RNF170: variants seen among roughly 807,000 people sequenced by gnomAD.
RNF170 encodes E3 ubiquitin-protein ligase RNF170.
In RNF170, 12 loss-of-function variants were observed where a neutral mutation model predicts 32.7. The observed-to-expected ratio is 0.37, with a 90% confidence interval of 0.24 to 0.60. The LOEUF is 0.60. Ranked by LOEUF, RNF170 falls within the 20% of genes least tolerant of loss-of-function variation. The pLI is 0.72. For missense variants in RNF170, 212 were observed against 311.2 expected (o/e 0.68, Z 2.40); for synonymous variants, 91 against 103.6 (o/e 0.88, Z 0.74).
intron 3 of RNF170, among the ~76,000 whole-genome samples, chr8:42,872,882 A>G (rs1804629267): frequency 6.6e-6 from 1 of 152,140 alleles, no homozygotes; most frequent in Non-Finnish European, 1.5e-5. Flanking sequence ...GTGAATGGAT[A>G]AATTATAAAA....
chr8:42,890,460 G>A (rs1806209208), intron 1 of RNF170, among the ~76,000 whole-genome samples: 1 of 151,722 alleles, frequency 6.6e-6, no homozygotes, highest in Non-Finnish European at 1.5e-5. Context: ...TCTGTTTTTA[G>A]TAGAGATGGG....
At chr8:42,895,907 TG>T (rs994145630) in intron 1 of RNF170, among the ~76,000 whole-genome samples, 1 of 152,166 alleles carries the variant, frequency 6.6e-6, no homozygotes, top group African/African-American at 2.4e-5. Flanking sequence ...GAGAAACTCC[TG>T]GGGTGCCGGT....
chr8:42,887,713 G>C lies in RNF170; in HGVS notation c.137+15C>G, dbSNP rs767815679. On this transcript the variant is annotated intron_variant, in intron 2 of 6. Coordinates refer to ENST00000527424, the MANE Select transcript of RNF170 (RefSeq NM_030954.4). ...CCTTGCAAATCTACTCAATTCTTTTGTCCTTAAATCTCACCTGAAAAGTGC... is the reference window on the plus strand; with the variant it reads ...CCTTGCAAATCTACTCAATTCTTTTCTCCTTAAATCTCACCTGAAAAGTGC... 5.3e-5 allele frequency: 86 copies of C among 1,613,452 alleles called. No individual in the cohort carries two copies. In the South Asian group the frequency reaches 8.9e-4, roughly 17 times the overall value.
At chr8:42,866,560 C>T (rs188863704) in intron 4 of RNF170, among the ~76,000 whole-genome samples, 18 of 150,718 alleles carry the variant, frequency 1.2e-4, no homozygotes, top group African/African-American at 4.4e-4. Context: ...CTATAGCCGG[C>T]TGACAGTGCG....
chr8:42,856,598 C>T (rs1180626102), intron 6 of RNF170, among the ~76,000 whole-genome samples, 170 bp from the exon 7 acceptor site: 1 of 152,190 alleles, frequency 6.6e-6, no homozygotes, highest in Non-Finnish European at 1.5e-5. Flanking sequence ...TCTTTGAATA[C>T]TAGTTCTTAC....
At chr8:42,873,609 A>C (rs966371212) in intron 3 of RNF170, among the ~76,000 whole-genome samples, 6 of 152,192 alleles carry the variant, frequency 3.9e-5, no homozygotes, top group African/African-American at 1.2e-4. Context: ...GATATTAAGG[A>C]GTATATGTCA....
At chr8:42,891,548 G>A (rs1348300832) in intron 1 of RNF170, among the ~76,000 whole-genome samples, 1 of 152,062 alleles carries the variant, frequency 6.6e-6, no homozygotes, top group Non-Finnish European at 1.5e-5. Context: ...CATTATAACT[G>A]TACATTAAGC....
At chr8:42,896,062 C>G (rs980651252) in intron 1 of RNF170, 2 of 205,680 alleles carry the variant, frequency 9.7e-6, no homozygotes, top group African/African-American at 4.8e-5. Flanking sequence ...GAGGTGGAAG[C>G]TCCAGAACGA....
At chr8:42,879,486 A>C (rs1384920212) in intron 2 of RNF170, among the ~76,000 whole-genome samples, 1 of 151,978 alleles carries the variant, frequency 6.6e-6, no homozygotes, top group Non-Finnish European at 1.5e-5. Flanking sequence ...CCCTGTCTCT[A>C]CTAAAAATAC....
At chr8:42,871,336 A>C (rs1294995459) in intron 3 of RNF170, among the ~76,000 whole-genome samples, 1 of 152,164 alleles carries the variant, frequency 6.6e-6, no homozygotes, top group Non-Finnish European at 1.5e-5. Flanking sequence ...TTACAGAAAA[A>C]AGTATTAAGT....
intron 2 of RNF170, among the ~76,000 whole-genome samples, chr8:42,886,232 A>AAATAAT (rs917924700): frequency 2.0e-5 from 3 of 151,628 alleles, no homozygotes; most frequent in African/African-American, 4.8e-5. Context: ...TCAAAAAAAA[A>AAATAAT]AATAATAATA....
At chr8:42,889,003 C>G (rs920811429) in intron 1 of RNF170, among the ~76,000 whole-genome samples, 4 of 152,008 alleles carry the variant, frequency 2.6e-5, no homozygotes, top group Non-Finnish European at 5.9e-5. Flanking sequence ...CACAATAGGA[C>G]CTAATAGATA....
intron 2 of RNF170, among the ~76,000 whole-genome samples, chr8:42,875,460 A>G (rs534594458): frequency 1.3e-5 from 2 of 152,372 alleles, no homozygotes; most frequent in South Asian, 4.1e-4. Flanking sequence ...GCAAAAAAAC[A>G]CAAATTTTAG....
intron 1 of RNF170, among the ~76,000 whole-genome samples, chr8:42,892,242 G>GGTGC (rs895774419): frequency 6.6e-6 from 1 of 152,134 alleles, no homozygotes; most frequent in African/African-American, 2.4e-5. Flanking sequence ...GGAGTGCAGT[G>GGTGC]GTGCACCCTT....
At chr8:42,897,112 G>T, upstream of RNF170, 1 of 1,242,404 alleles carries the variant, frequency 8.0e-7, no homozygotes, top group Non-Finnish European at 1.0e-6. Flanking sequence ...GGTAGGCGCT[G>T]CCTGGCCGCG....
At chr8:42,877,924 T>C (rs576938721) in intron 2 of RNF170, among the ~76,000 whole-genome samples, 1 of 152,346 alleles carries the variant, frequency 6.6e-6, no homozygotes, top group South Asian at 2.1e-4. Context: ...TAGCAGATAT[T>C]GCGTTTTTTA....
chr8:42,875,035 G>A (rs186877489), intron 2 of RNF170, among the ~76,000 whole-genome samples: 90 of 152,242 alleles, frequency 5.9e-4, no homozygotes, highest in African/African-American at 1.9e-3. Flanking sequence ...GCCGGGCTTA[G>A]TGGCGAATGC....
chr8:42,896,677 G>A (rs1453539175), upstream of RNF170: 4 of 449,352 alleles, frequency 8.9e-6, no homozygotes, highest in African/African-American at 6.1e-5. Flanking sequence ...ACCCGTCGCC[G>A]CAGCCTCCAG....
chr8:42,876,130 G>A (rs1804910624), intron 2 of RNF170, among the ~76,000 whole-genome samples: 1 of 151,850 alleles, frequency 6.6e-6, no homozygotes, highest in East Asian at 1.9e-4. Flanking sequence ...ATACAGACAT[G>A]AACCACGTGA....
Sources: gnomAD v4.1 joint callset for allele counts (sites outside exome capture counted in the v4.1 genomes callset) on GRCh38, gnomAD v4.1.1 for gene constraint, MANE v1.5 for transcripts, NCBI Gene and HGNC (gene_info 2026-07-23, HGNC 2026-07-21) for gene names.